Variants in HYCC1 observed in about 807,000 individuals in gnomAD.
HYCC1 encodes hyccin.
At chr7:22,980,127 T>C in the HYCC1 span, among the ~76,000 whole-genome samples, 3 of 152,076 alleles carry the variant, frequency 2.0e-5, no homozygotes, top group Non-Finnish European at 4.4e-5. Flanking sequence ...TTTACCAACA[T>C]ACCTGAAAAA....
the HYCC1 span, among the ~76,000 whole-genome samples, chr7:22,922,069 G>A: frequency 6.6e-6 from 1 of 151,058 alleles, no homozygotes; most frequent in Non-Finnish European, 1.5e-5. Flanking sequence ...AAAAATAGAG[G>A]AACAAAAAAC....
chr7:22,976,797 A>G, the HYCC1 span: 1 of 1,609,372 alleles, frequency 6.2e-7, no homozygotes, highest in South Asian at 1.1e-5. Context: ...CCATGGACCC[A>G]ATGCTGGAAG....
At chr7:23,000,442 ATATG>A in the HYCC1 span, among the ~76,000 whole-genome samples, 1 of 152,092 alleles carries the variant, frequency 6.6e-6, no homozygotes, top group Non-Finnish European at 1.5e-5. Flanking sequence ...AAACATGTAC[ATATG>A]TATATATACA....
At chr7:22,930,481 C>G in the HYCC1 span, among the ~76,000 whole-genome samples, 1 of 149,480 alleles carries the variant, frequency 6.7e-6, no homozygotes, top group Non-Finnish European at 1.5e-5. Context: ...TCAAAAAAAA[C>G]TTTGCACAAA....
At chr7:22,929,754 C>A in the HYCC1 span, among the ~76,000 whole-genome samples, 1 of 152,208 alleles carries the variant, frequency 6.6e-6, no homozygotes, top group Admixed American at 6.5e-5. Flanking sequence ...GGACTGTAAA[C>A]TAGTTCAACC....
At chr7:22,928,145 C>A in the HYCC1 span, among the ~76,000 whole-genome samples, 1 of 152,234 alleles carries the variant, frequency 6.6e-6, no homozygotes, top group Non-Finnish European at 1.5e-5. Context: ...ACCCTTCATG[C>A]TAAAAACTCT....
the HYCC1 span, among the ~76,000 whole-genome samples, chr7:22,950,498 AAAT>A: frequency 3.9e-5 from 6 of 152,024 alleles, no homozygotes; most frequent in African/African-American, 1.4e-4. Context: ...TTATTAGAAT[AAAT>A]AAAAGTGAGA....
chr7:23,006,036 A>G, the HYCC1 span, among the ~76,000 whole-genome samples: 23 of 152,158 alleles, frequency 1.5e-4, no homozygotes, highest in African/African-American at 5.6e-4. Context: ...TATACTGATT[A>G]ACAAATCAGC....
At chr7:22,919,899 T>A in the HYCC1 span, among the ~76,000 whole-genome samples, 3 of 152,050 alleles carry the variant, frequency 2.0e-5, no homozygotes, top group East Asian at 5.8e-4. Context: ...TTTGAAGAAA[T>A]GATAGCATAA....
the HYCC1 span, among the ~76,000 whole-genome samples, chr7:23,013,510 G>T: frequency 6.6e-6 from 1 of 152,320 alleles, no homozygotes; most frequent in South Asian, 2.1e-4. Context: ...GCAGGGAGGG[G>T]ACGGGGGGCT....
At chr7:22,985,257 C>T in the HYCC1 span, among the ~76,000 whole-genome samples, 1 of 152,120 alleles carries the variant, frequency 6.6e-6, no homozygotes, top group Non-Finnish European at 1.5e-5. Context: ...TGGATGTGTG[C>T]ATAAATTAAA....
At chr7:22,983,983 A>C in the HYCC1 span, 1 of 1,608,728 alleles carries the variant, frequency 6.2e-7, no homozygotes, top group Non-Finnish European at 8.5e-7. Context: ...AGAGAGATGA[A>C]ACTAAAGAAC....
the HYCC1 span, among the ~76,000 whole-genome samples, chr7:22,978,684 A>G: frequency 6.6e-6 from 1 of 152,174 alleles, no homozygotes; most frequent in African/African-American, 2.4e-5. Context: ...CTGGGTAGTT[A>G]CTGTCCTATC....
the HYCC1 span, among the ~76,000 whole-genome samples, chr7:22,928,658 T>G: frequency 2.6e-5 from 4 of 152,098 alleles, no homozygotes; most frequent in Non-Finnish European, 5.9e-5. Flanking sequence ...CAAGGAGAAC[T>G]ACAAACCACT....
At chr7:22,992,903 G>T in the HYCC1 span, among the ~76,000 whole-genome samples, 2 of 152,072 alleles carry the variant, frequency 1.3e-5, no homozygotes, top group African/African-American at 4.8e-5. Context: ...GAATATACAA[G>T]GAACCAAGAA....
the HYCC1 span, among the ~76,000 whole-genome samples, chr7:23,002,236 A>C: frequency 6.7e-6 from 1 of 149,306 alleles, no homozygotes; most frequent in East Asian, 2.0e-4. Context: ...GTGGCAACTC[A>C]GTATGACTAG....
the HYCC1 span, among the ~76,000 whole-genome samples, chr7:22,999,638 G>C: frequency 1.3e-5 from 2 of 152,202 alleles, no homozygotes; most frequent in South Asian, 4.1e-4. Flanking sequence ...AACAGAAGTA[G>C]CAAAAACAAA....
chr7:22,949,369 C>G, the HYCC1 span, among the ~76,000 whole-genome samples: 1 of 152,008 alleles, frequency 6.6e-6, no homozygotes, highest in Non-Finnish European at 1.5e-5. Flanking sequence ...CTTCAAATGT[C>G]TCTTCTAACA....
chr7:22,930,399 A>G, the HYCC1 span, among the ~76,000 whole-genome samples: 50,241 of 144,654 alleles, frequency 0.35, 9,511 homozygotes, highest in Non-Finnish European at 0.42. Context: ...AAAAGAAAAA[A>G]AAAAAAGAAA....
Sources: allele counts gnomAD v4.1 joint callset (sites outside exome capture counted in the v4.1 genomes callset), GRCh38; gene constraint gnomAD v4.1.1; transcripts MANE v1.5; gene names NCBI Gene and HGNC (gene_info 2026-07-23, HGNC 2026-07-21).